Variants in ABI3BP observed in about 807,000 individuals in gnomAD.
ABI3BP encodes the protein ABI family member 3 binding protein, also known as target of Nesh-SH3.
Under a neutral mutation model 268.6 loss-of-function variants are expected in ABI3BP, and 216 were observed. The ratio of observed to expected loss-of-function variants is 0.80; its 90% CI spans 0.72 to 0.90. ABI3BP has a LOEUF of 0.90. Ranked by LOEUF, ABI3BP falls within the 40% of genes least tolerant of loss-of-function variation. ABI3BP has a pLI of 0.00. For missense variants in ABI3BP, 2,090 were observed against 2,182.4 expected (o/e 0.96, Z 0.84); for synonymous variants, 730 against 730.0 (o/e 1.00, Z 0.00).
chr3:100,812,731 G>A (rs1392479976), intron 45 of ABI3BP, among the ~76,000 whole-genome samples: 2 of 147,754 alleles, frequency 1.4e-5, no homozygotes, highest in Admixed American at 6.7e-5. Context: ...CATTCAACAT[G>A]AGTACCAAAA....
At chr3:100,945,658 A>C (rs896805471) in intron 1 of ABI3BP, 2 of 446,478 alleles carry the variant, frequency 4.5e-6, no homozygotes, top group African/African-American at 4.0e-5. Flanking sequence ...CTGTATCACT[A>C]GTTCAGTCCT....
rs114027651 is a variant in ABI3BP at position 100,854,257 on chromosome 3, C to T, written c.1286-2317G>A. On this transcript the variant is annotated intron_variant, in intron 14 of 67. Transcript: ENST00000471714. The stretch of plus-strand genomic sequence containing the variant: ...GCGGGCACCTGTGGTCCCAGCTACT[C>T]GGGAGGCACGAGAATCTCTTGAAAC... 4.2e-3 allele frequency among the ~76,000 whole-genome samples: 642 copies of T among 151,420 alleles called. 7 individuals are homozygous for T. The highest frequency in any genetic ancestry group is 0.015 in the African/African-American group (607 of 41,246).
intron 9 of ABI3BP, among the ~76,000 whole-genome samples, chr3:100,869,327 T>C (rs1952934371): frequency 8.5e-6 from 1 of 118,066 alleles, no homozygotes; most frequent in Non-Finnish European, 1.6e-5. Context: ...CTTCTTCTTT[T>C]TGGTTTTTTT....
chr3:100,938,151 G>T (rs2067120107), intron 1 of ABI3BP, among the ~76,000 whole-genome samples: 1 of 152,014 alleles, frequency 6.6e-6, no homozygotes, highest in Admixed American at 6.6e-5. Context: ...ACTTGAAGAA[G>T]GAGGATGGGA....
rs571014924 is a variant in ABI3BP, at chr3:100,791,450, T to G, written c.4024+1241A>C. On this transcript the variant is annotated intron_variant, in intron 55 of 67. Transcript: ENST00000471714. ...TTGTAAATATTTATGTATTTTGTGGTAAAAACAGATTGATTATGAGAATCC... is the reference window on the plus strand; with the variant it reads ...TTGTAAATATTTATGTATTTTGTGGGAAAAACAGATTGATTATGAGAATCC... Among the ~76,000 whole-genome samples, 67 of 151,964 alleles carry G rather than the reference T, an allele frequency of 4.4e-4. 1 individual carries two copies. Among genetic ancestry groups the G allele is most frequent in the African/African-American group, 1.6e-3 (65 of 41,498 alleles).
At position 100,796,476 on chromosome 3, in the gene ABI3BP, A is replaced by G; in HGVS notation, c.3758-8T>C. ...GGAGCACATCTTTTGGAGCTGAAAG[A>G]AAAAGATTATAAAACACTGCATACT... is the stretch of plus-strand genomic sequence containing the variant. On this transcript the variant is annotated splice_region_variant and splice_polypyrimidine_tract_variant and intron_variant, in intron 51 of 67. Transcript: ENST00000471714. 1 of 1,599,828 alleles carries G rather than the reference A, an allele frequency of 6.3e-7. No homozygotes were observed. The highest frequency in any genetic ancestry group is 8.5e-7 in the Non-Finnish European group (1 of 1,172,250).
At chr3:100,884,872 G>A (rs777529740) in intron 6 of ABI3BP, among the ~76,000 whole-genome samples, 1 of 152,072 alleles carries the variant, frequency 6.6e-6, no homozygotes, top group Non-Finnish European at 1.5e-5. Context: ...TTTGAAATGC[G>A]AACATGTCTG....
At position 100,815,990 on chromosome 3, in the gene ABI3BP, A is replaced by T; in HGVS notation, c.3230-19T>A. ...ACAGAAACTAACCAAAAGCAACAAC[A>T]TGAATACAAGAAAGCTTAAAGACTT... On this transcript the variant is annotated intron_variant, in intron 43 of 67. Transcript: ENST00000471714. 3 of 1,492,238 alleles carry T rather than the reference A, an allele frequency of 2.0e-6. No individual in the cohort carries two copies. The highest frequency in any genetic ancestry group is 2.7e-6 in the Non-Finnish European group (3 of 1,125,854). The allele number at this position is 1,492,238 out of a possible 1,614,324, so 92.4% of individuals were successfully genotyped here.
chr3:100,844,869 G>A (rs562646709), intron 20 of ABI3BP, among the ~76,000 whole-genome samples: 2 of 152,200 alleles, frequency 1.3e-5, no homozygotes, highest in South Asian at 2.1e-4. Flanking sequence ...CATGTTAAAA[G>A]GAAATGTCAA....
chr3:100,930,143 T>C (rs1475098883), intron 1 of ABI3BP, among the ~76,000 whole-genome samples: 7 of 151,974 alleles, frequency 4.6e-5, no homozygotes, highest in South Asian at 2.1e-4. Context: ...GTAGGGATCA[T>C]AGAAAATAAT....
intron 4 of ABI3BP, among the ~76,000 whole-genome samples, chr3:100,893,986 C>T (rs1030141343): frequency 6.6e-6 from 1 of 151,922 alleles, no homozygotes; most frequent in African/African-American, 2.4e-5. Context: ...GTCTAGATTT[C>T]CTCAGTACTG....
In ABI3BP at chr3:100,765,066, CTAATT is replaced by C. The variant is rs1477909151; in HGVS notation, c.4850+770_4850+774del. On this transcript the variant is annotated intron_variant, in intron 63 of 67. Coordinates refer to ENST00000471714, the MANE Select transcript of ABI3BP (RefSeq NM_001375547.2). Reference sequence around the variant, plus strand: ...CTCTTTTGAGCGTCACTATCAATAACTAATTCAATTCAATCAATTGATGACAATGT... The same window carrying C: ...CTCTTTTGAGCGTCACTATCAATAACCAATTCAATCAATTGATGACAATGT... Among the ~76,000 whole-genome samples the C allele has an allele frequency of 2.7e-5, 4 of 147,770 alleles. No individual in the cohort carries two copies. The South Asian group carries it at 6.5e-4, about 24-fold the overall frequency.
At chr3:100,897,337 G>A (rs1182678522) in intron 4 of ABI3BP, among the ~76,000 whole-genome samples, 1 of 151,962 alleles carries the variant, frequency 6.6e-6, no homozygotes, top group East Asian at 1.9e-4. Context: ...TTATGTTTAA[G>A]AGAAATTAAA....
intron 8 of ABI3BP, 94 bp from the exon 9 acceptor site, chr3:100,875,027 C>A (rs769479781): frequency 3.2e-6 from 2 of 631,390 alleles, no homozygotes; most frequent in Non-Finnish European, 5.3e-6. Flanking sequence ...AACTATGAAG[C>A]ATAGCACTTA....
chr3:100,820,211 CA>C lies in ABI3BP; in HGVS notation c.3031+8del, dbSNP rs1266468697. The C allele has an allele frequency of 1.3e-6, 2 of 1,534,886 alleles. No homozygotes were observed. Among genetic ancestry groups the C allele is most frequent in the Admixed American group, 3.9e-5 (2 of 50,916 alleles). On this transcript the variant is annotated splice_region_variant and intron_variant, in intron 40 of 67. Coordinates refer to ENST00000471714, the MANE Select transcript of ABI3BP (RefSeq NM_001375547.2). ...GGATGAGCTACTTTAACCAGAAACC[CA>C]AATTTACCCAGTTTGGTTTGAGGAA...
At chr3:100,983,408 G>A (rs2090491202) in intron 1 of ABI3BP, among the ~76,000 whole-genome samples, 1 of 152,210 alleles carries the variant, frequency 6.6e-6, no homozygotes, top group African/African-American at 2.4e-5. Flanking sequence ...TACTTTCTGA[G>A]TATGGAAATC....
intron 21 of ABI3BP, 150 bp downstream of exon 21, chr3:100,841,848 C>G (rs2098707599): frequency 3.2e-6 from 2 of 622,930 alleles, no homozygotes; most frequent in Admixed American, 2.9e-5. Context: ...TGAGATCACG[C>G]CACTGCACTC....
At chr3:100,904,999 T>C (rs2052568738) in intron 2 of ABI3BP, among the ~76,000 whole-genome samples, 2 of 152,168 alleles carry the variant, frequency 1.3e-5, no homozygotes, top group Admixed American at 1.3e-4. Flanking sequence ...TAGCAAAGAC[T>C]TGGCACCAAC....
In ABI3BP at chr3:100,993,397, A is replaced by G. The variant is rs758256156; in HGVS notation, c.-13T>C. ...AACTGGAGAGCATGTTGCATTTGCC[A>G]CCTCGCATGGGGAATGATGCTGGTG... On this transcript the variant is annotated 5_prime_UTR_variant, in exon 1 of 68. Coordinates refer to ENST00000471714, the MANE Select transcript of ABI3BP (RefSeq NM_001375547.2). The G allele has an allele frequency of 1.1e-5, 17 of 1,551,692 alleles. No individual in the cohort carries two copies. The highest frequency in any genetic ancestry group is 1.4e-5 in the Non-Finnish European group (16 of 1,146,902).
Sources: allele counts gnomAD v4.1 joint callset (sites outside exome capture counted in the v4.1 genomes callset), GRCh38; gene constraint gnomAD v4.1.1; transcripts MANE v1.5; gene names NCBI Gene and HGNC (gene_info 2026-07-23, HGNC 2026-07-21).